LIG4: variants seen among roughly 807,000 people sequenced by gnomAD.
The protein encoded by LIG4 is DNA joinase.
Under a neutral mutation model 19.0 loss-of-function variants are expected in LIG4, and 13 were observed. The observed-to-expected ratio is 0.68, with a 90% CI of 0.44 to 1.09. The LOEUF is 1.09. Ranked by LOEUF, LIG4 falls within the 50% of genes least tolerant of loss-of-function variation. The pLI, the probability that LIG4 is intolerant of heterozygous loss-of-function variation, is 0.00. For missense variants in LIG4, 1,026 were observed against 1,089.7 expected (o/e 0.94, Z 0.82); for synonymous variants, 361 against 358.2 (o/e 1.01, Z -0.09).
At chr13:108,217,712 A>G (rs183284059), upstream of LIG4, among the ~76,000 whole-genome samples, 5 of 152,232 alleles carry the variant, frequency 3.3e-5, no homozygotes, top group East Asian at 9.7e-4. Context: ...GGAAAAAAAA[A>G]AAAACCCACA....
chr13:108,214,181 G>A (rs1878964286), intron 2 of LIG4, among the ~76,000 whole-genome samples: 1 of 152,170 alleles, frequency 6.6e-6, no homozygotes, highest in African/African-American at 2.4e-5. Flanking sequence ...AAAAAAAGGA[G>A]TAAGTGACGA....
In LIG4 at chr13:108,209,439, G is replaced by A. The variant is rs768563098; in HGVS notation, c.1830C>T (p.Leu610=). The A allele has an allele frequency of 4.9e-5, 79 of 1,613,836 alleles. No individual in the cohort carries two copies. The highest frequency in any genetic ancestry group is 6.7e-5 in the African/African-American group (5 of 74,818). The change falls in exon 3 of 3, where the codon CTC becomes CTT. Residue 610 remains leucine, a synonymous_variant. Transcript: ENST00000442234. ...EQLRGKASGK[L]ASKHLYIGGD... ...CACCTATATAAAGGTGTTTAGATGC[G>A]AGCTTACCAGATGCCTTCCCCCTAA...
At position 108,210,128 on chromosome 13, in the gene LIG4, TCTC is replaced by T; in HGVS notation, c.1138_1140del (p.Glu380del). On this transcript the variant is annotated inframe_deletion, in exon 3 of 3. Transcript: ENST00000442234. ...AGAATCTCATACCTCTTTCTCAGAG[TCTC>T]ATGCCCTAGCTTTTTATTATTAACC... The T allele has an allele frequency of 6.2e-7, 1 of 1,613,722 alleles. No homozygotes were observed.
In LIG4 at chr13:108,208,910, G is replaced by A. The variant is rs2138967772; in HGVS notation, c.2359C>T (p.Gln787Ter). The A allele has an allele frequency of 6.2e-7, 1 of 1,614,078 alleles. No homozygotes were observed. The highest frequency in any genetic ancestry group is 8.5e-7 in the Non-Finnish European group (1 of 1,179,970). ...AGAGAAGCCATTTCTTCAGGAGTCTGCTCGTTAGAATTTTTAATTCCTGAG... is the reference window on the plus strand; with the variant it reads ...AGAGAAGCCATTTCTTCAGGAGTCTACTCGTTAGAATTTTTAATTCCTGAG... ...VFSGIKNSNE[Q>*]TPEEMASLIA... The change falls in exon 3 of 3, where the codon CAG becomes TAG. Residue 787 changes from glutamine to a stop codon, truncating the protein, a stop_gained. Coordinates refer to ENST00000442234, the MANE Select transcript of LIG4 (RefSeq NM_206937.2). LOFTEE classifies it low-confidence loss of function (END_TRUNC).
rs780504243 is a variant in LIG4 at position 108,209,928 on chromosome 13, C to A, written c.1341G>T (p.Trp447Cys). 5 of 1,614,056 alleles carry A rather than the reference C, an allele frequency of 3.1e-6. No homozygotes were observed. In the East Asian group the frequency reaches 1.1e-4, roughly 36 times the overall value. ...IYKPDKRGEG[W>C]LKIKPEYVSG... ...TGACATACTCTGGTTTAATTTTTAACCACCCTTCACCTCTTTTGTCTGGCT... is the reference window on the plus strand; with the variant it reads ...TGACATACTCTGGTTTAATTTTTAAACACCCTTCACCTCTTTTGTCTGGCT... Residue 447 changes from tryptophan (W) to cysteine (C), a missense_variant, in exon 3 of 3, where the codon TGG becomes TGT. Trp to Cys is a radical substitution (Grantham distance 215). This residue lies in a region of LIG4 where 493 missense variants were observed against 544.5 expected (regional missense o/e 0.91). Coordinates refer to ENST00000442234, the MANE Select transcript of LIG4 (RefSeq NM_206937.2).
In LIG4 at chr13:108,210,523, A is replaced by G; in HGVS notation, c.746T>C (p.Met249Thr). 3 of 1,612,592 alleles carry G rather than the reference A, an allele frequency of 1.9e-6. No homozygotes were observed. Among genetic ancestry groups the G allele is most frequent in the Non-Finnish European group, 2.5e-6 (3 of 1,179,928 alleles). ...CTCAATATCTGCAATAGCAGCTAGC[A>G]TTGGTTTAAATGCAGAAAATAAAGT... Reference protein sequence around the residue: ...SITLFSAFKPMLAAIADIEHI... With the variant: ...SITLFSAFKPTLAAIADIEHI... Residue 249 changes from methionine to threonine, a missense_variant, in exon 3 of 3, where the codon ATG becomes ACG. Physicochemically the swap from Met to Thr is moderately conservative, Grantham distance 81. Transcript: ENST00000442234.
chr13:108,207,989 C>T lies in LIG4; in HGVS notation c.*544G>A, dbSNP rs1194714562. On this transcript the variant is annotated 3_prime_UTR_variant, in exon 3 of 3. Transcript: ENST00000442234. ...AACCATCGACAGGGTTTTATTGTTA[C>T]ATTTGGCCTTAACCTTAAAAAACAA... 1 of 152,264 alleles carries T rather than the reference C, an allele frequency of 6.6e-6. No homozygotes were observed. The highest frequency in any genetic ancestry group is 6.5e-5 in the Admixed American group (1 of 15,286). The allele number at this position is 152,264 out of a possible 1,614,324, so 9.4% of individuals were successfully genotyped here. A position where few individuals can be genotyped will look rare whatever the true frequency, so the allele number is the denominator to read the frequency against.
Position 108,210,254 on chromosome 13 carries a change from T to C in LIG4, c.1015A>G (p.Thr339Ala), listed in dbSNP as rs1594462123. The C allele has an allele frequency of 6.2e-7, 1 of 1,613,880 alleles. No homozygotes were observed. The highest frequency in any genetic ancestry group is 2.2e-5 in the East Asian group (1 of 44,848). ...GTTCCCTTTTGCATGAAAGTTTGTGTATTAGGATTATAGGCCATCATCTCA... is the reference window on the plus strand; with the variant it reads ...GTTCCCTTTTGCATGAAAGTTTGTGCATTAGGATTATAGGCCATCATCTCA... ...DGEMMAYNPN[T>A]QTFMQKGTKF... Residue 339 changes from threonine (T) to alanine (A), a missense_variant, in exon 3 of 3, where the codon ACA becomes GCA. Coordinates refer to ENST00000442234, the MANE Select transcript of LIG4 (RefSeq NM_206937.2).
In LIG4 at chr13:108,208,234, G is replaced by C. The variant is rs567266202; in HGVS notation, c.*299C>G. On this transcript the variant is annotated 3_prime_UTR_variant, in exon 3 of 3. Transcript: ENST00000442234. The stretch of plus-strand genomic sequence containing the variant: ...CTAAATGTATTTTATTAGTATCTAA[G>C]TAAAAATTCTAGATTTCTATATGGA... The C allele has an allele frequency of 6.5e-5, 15 of 230,072 alleles. No individual in the cohort carries two copies. Among genetic ancestry groups the C allele is most frequent in the South Asian group, 2.8e-4 (4 of 14,240 alleles). The allele number at this position is 230,072 out of a possible 1,614,324, so 14.3% of individuals were successfully genotyped here.
intron 2 of LIG4, among the ~76,000 whole-genome samples, chr13:108,211,656 G>A (rs1470383761): frequency 1.3e-5 from 2 of 152,086 alleles, no homozygotes; most frequent in Non-Finnish European, 2.9e-5. Flanking sequence ...AACTCATCAG[G>A]CTTAATTCAC....
In LIG4 at chr13:108,210,710, T is replaced by C. The variant is rs1330099100; in HGVS notation, c.559A>G (p.Ile187Val). The change falls in exon 3 of 3, where the codon ATA (isoleucine) becomes GTA (valine). Residue 187 changes from isoleucine (I) to valine (V), a missense_variant. Coordinates refer to ENST00000442234, the MANE Select transcript of LIG4 (RefSeq NM_206937.2). The stretch of plus-strand genomic sequence containing the variant: ...TTTAAATCCTTTATGATCATCCGTA[T>C]AAGCCACTTTTGCTCAAGTGCTGAA... The part of the protein sequence containing the change: ...QSSALEQKWL[I>V]RMIIKDLKLG... 6.2e-7 allele frequency: 1 copy of C among 1,613,980 alleles called. No individual in the cohort carries two copies. Among genetic ancestry groups the C allele is most frequent in the Non-Finnish European group, 8.5e-7 (1 of 1,179,958 alleles).
At chr13:108,217,917 G>C (rs1879394033), upstream of LIG4, among the ~76,000 whole-genome samples, 1 of 152,122 alleles carries the variant, frequency 6.6e-6, no homozygotes, top group African/African-American at 2.4e-5. Context: ...GGGCCCTAAC[G>C]AGGTGTTCCC....
Position 108,211,171 on chromosome 13 carries a change from G to C in LIG4, c.98C>G (p.Ala33Gly), listed in dbSNP as rs1878623208. The change falls in exon 3 of 3, where the codon GCA becomes GGA. Residue 33 changes from alanine to glycine, a missense_variant. This residue lies in a region of LIG4 where 493 missense variants were observed against 544.5 expected (regional missense o/e 0.91). Transcript: ENST00000442234. ...TTCCCTGAAGTGTCTGATTTTTTCT[G>C]CACGTCCTTTACTTTTCTGTATTCG... is the stretch of plus-strand genomic sequence containing the variant. ...LERIQKSKGR[A>G]EKIRHFREFL... 1 of 1,613,180 alleles carries C rather than the reference G, an allele frequency of 6.2e-7. No homozygotes were observed. The highest frequency in any genetic ancestry group is 8.5e-7 in the Non-Finnish European group (1 of 1,179,768).
In LIG4 at chr13:108,208,274, C is replaced by A; in HGVS notation, c.*259G>T. The stretch of plus-strand genomic sequence containing the variant: ...TTCTATATGGATATTATAAAAACAC[C>A]TCTTCTTTAGACTGTTTATTTCACC... On this transcript the variant is annotated 3_prime_UTR_variant, in exon 3 of 3. Transcript: ENST00000442234. 2 of 304,374 alleles carry A rather than the reference C, an allele frequency of 6.6e-6. No individual in the cohort carries two copies. The highest frequency in any genetic ancestry group is 4.9e-5 in the South Asian group (1 of 20,558). The allele number at this position is 304,374 out of a possible 1,614,324, so 18.9% of individuals were successfully genotyped here.
chr13:108,209,979 C>T lies in LIG4; in HGVS notation c.1290G>A (p.Met430Ile), dbSNP rs1878441498. ...TGTAGATGGATAGAGGTTGTTTTAC[C>T]ATAATTCCCTCTTCTCTTTTATCTA... ...EAIDKREEGI[M>I]VKQPLSIYKP... is the part of the protein sequence containing the mutation. Residue 430 changes from methionine (M) to isoleucine (I), a missense_variant, in exon 3 of 3, where the codon ATG becomes ATA. Around this residue, in one of 3 missense-constraint regions of LIG4, gnomAD observed 493 missense variants for 544.5 expected, o/e 0.91. Transcript: ENST00000442234. 2 of 1,612,932 alleles carry T rather than the reference C, an allele frequency of 1.2e-6. No homozygotes were observed. The highest frequency in any genetic ancestry group is 4.5e-5 in the East Asian group (2 of 44,884).
Position 108,209,774 on chromosome 13 carries a change from C to T in LIG4, c.1495G>A (p.Val499Met), listed in dbSNP as rs767349135. ...EKPPPGEKPS[V>M]FHTLSRVGSG... ...CCAACACGAGAGAGAGTATGAAACA[C>T]AGATGGCTTCTCACCAGGAGGGGGC... The change falls in exon 3 of 3, where the codon GTG becomes ATG. Residue 499 changes from valine to methionine, a missense_variant. Transcript: ENST00000442234. 6 of 1,614,110 alleles carry T rather than the reference C, an allele frequency of 3.7e-6. No individual in the cohort carries two copies. Among genetic ancestry groups the T allele is most frequent in the Non-Finnish European group, 5.1e-6 (6 of 1,180,014 alleles).
Position 108,210,449 on chromosome 13 carries a change from G to T in LIG4, c.820C>A (p.Leu274Ile). 6.2e-7 allele frequency: 1 copy of T among 1,613,290 alleles called. No homozygotes were observed. The highest frequency in any genetic ancestry group is 2.2e-5 in the East Asian group (1 of 44,856). The change falls in exon 3 of 3, where the codon CTA becomes ATA. Residue 274 changes from leucine to isoleucine, a missense_variant. By Grantham distance (5) the Leu-to-Ile change is conservative (BLOSUM62 2). Transcript: ENST00000442234. The part of the protein sequence containing the change: ...KHQSFYIETK[L>I]DGERMQMHKD... ...TGCATTTGCATACGTTCACCATCTA[G>T]CTTGGTTTCTATGTAGAAACTCTGA...
At chr13:108,217,254 G>A (rs1406550886), upstream of LIG4, among the ~76,000 whole-genome samples, 1 of 152,160 alleles carries the variant, frequency 6.6e-6, no homozygotes, top group African/African-American at 2.4e-5. Context: ...GGTGGCTCAC[G>A]CCTGTAATCC....
rs1878151452 is a variant in LIG4, at chr13:108,208,448, T to G, written c.*85A>C. The G allele has an allele frequency of 1.2e-6, 1 of 808,598 alleles. No homozygotes were observed. The highest frequency in any genetic ancestry group is 2.6e-5 in the Admixed American group (1 of 38,538). 50.1% of individuals were successfully genotyped at this position (808,598 alleles called of 1,614,324 possible). ...GGCATAGATTTTTAAGATACAAAAA[T>G]AAAATGTAGTTTAGTATTTTATCAT... On this transcript the variant is annotated 3_prime_UTR_variant, in exon 3 of 3. Transcript: ENST00000442234.
Sources: gnomAD v4.1 joint callset for allele counts (sites outside exome capture counted in the v4.1 genomes callset) on GRCh38, gnomAD v4.1.1 for gene constraint, gnomAD v4.1.1 regional missense constraint, MANE v1.5 for transcripts, NCBI Gene and HGNC (gene_info 2026-07-23, HGNC 2026-07-21) for gene names.